The following ZNF48 variants were observed in gnomAD, a reference collection of about 807,000 sequenced individuals.
ZNF48 encodes zinc finger protein 48.
In ZNF48, 20 loss-of-function variants were observed where a neutral mutation model predicts 40.0. That is an observed-to-expected ratio of 0.50 (90% CI 0.35 to 0.73). ZNF48 has a LOEUF of 0.73. Ranked by LOEUF, ZNF48 falls within the 30% of genes least tolerant of loss-of-function variation. ZNF48 has a pLI of 0.01. For missense variants in ZNF48, 726 were observed against 851.9 expected (o/e 0.85, Z 1.84); for synonymous variants, 298 against 329.7 (o/e 0.90, Z 1.04).
rs1057021810 is a variant in ZNF48 at position 30,398,484 on chromosome 16, C to T, written c.1234C>T (p.Leu412=). 3 of 1,587,426 alleles carry T rather than the reference C, an allele frequency of 1.9e-6. No homozygotes were observed. The highest frequency in any genetic ancestry group is 2.7e-5 in the African/African-American group (2 of 74,472). ...PPPPLGTSPP[L]TPRSPSHSGE... is the part of the protein sequence containing the mutation. ...ACCTCCTCTGGGCACCAGCCCCCCG[C>T]TGACACCTCGAAGTCCCTCACACTC... The change falls in exon 3 of 3, where the codon CTG becomes TTG. Residue 412 remains leucine (L), a synonymous_variant. Transcript: ENST00000613509. This position sits in a 1 kb window ranked among gnomAD's most constrained non-coding sequence, Gnocchi z 6.6.
At chr16:30,396,669 T>C (rs190018646) in intron 2 of ZNF48, among the ~76,000 whole-genome samples, 1 of 151,044 alleles carries the variant, frequency 6.6e-6, no homozygotes, top group African/African-American at 2.4e-5. Flanking sequence ...AGACCTTAGT[T>C]AGACATCACG....
intron 1 of ZNF48, among the ~76,000 whole-genome samples, chr16:30,390,378 C>A (rs369695778): frequency 2.8e-4 from 43 of 152,142 alleles, no homozygotes; most frequent in African/African-American, 9.9e-4. Context: ...GTTTGTGGAA[C>A]AAATGAATAA....
In ZNF48 at chr16:30,382,534, G is replaced by A. The variant is rs201701101; in HGVS notation, c.-16+4124G>A. On this transcript the variant is annotated intron_variant, in intron 1 of 2. Transcript: ENST00000528032. This position sits in a 1 kb window ranked among gnomAD's most constrained non-coding sequence, Gnocchi z 4.8. ...GGGTGTAAGGACTCACCATGACTCC[G>A]CCAGCCATCACTGCACCTGCCGTCT... The A allele has an allele frequency of 3.1e-4, 493 of 1,584,444 alleles. 4 individuals carry two copies. The East Asian group carries it at 8.6e-3, about 28-fold the overall frequency.
upstream of ZNF48, among the ~76,000 whole-genome samples, chr16:30,392,554 G>A (rs993020094): frequency 2.6e-5 from 4 of 152,128 alleles, no homozygotes; most frequent in East Asian, 5.8e-4. Context: ...GGACTTTGCC[G>A]AAATCAAACC....
chr16:30,381,300 T>G lies in ZNF48; in HGVS notation c.-16+2890T>G. Reference sequence around the variant, plus strand: ...TCAGGGGGCAGAGACCCCCCAGCCCTCCCTAAATGCGCCAGCCCCCAGGAT... The same window carrying G: ...TCAGGGGGCAGAGACCCCCCAGCCCGCCCTAAATGCGCCAGCCCCCAGGAT... On this transcript the variant is annotated intron_variant, in intron 1 of 2. Coordinates refer to the ZNF48 transcript ENST00000528032. The surrounding 1 kb of genome is among the most constrained non-coding windows in gnomAD (Gnocchi z 4.3). 149 of 1,209,940 alleles carry G rather than the reference T, an allele frequency of 1.2e-4. No individual in the cohort carries two copies. Among genetic ancestry groups the G allele is most frequent in the Non-Finnish European group, 1.5e-4 (132 of 878,276 alleles). 75.0% of individuals were successfully genotyped at this position (1,209,940 alleles called of 1,614,324 possible). A position where few individuals can be genotyped will look rare whatever the true frequency, so the allele number is the denominator to read the frequency against.
At chr16:30,388,588 C>T (rs2151114517) in intron 1 of ZNF48, among the ~76,000 whole-genome samples, 1 of 152,084 alleles carries the variant, frequency 6.6e-6, no homozygotes, top group Middle Eastern at 3.4e-3. Flanking sequence ...GAGACCTTGT[C>T]TCAAAAAAAA....
chr16:30,381,094 A>G lies in ZNF48; in HGVS notation c.-16+2684A>G, dbSNP rs778196822. ...AAGCTGAAATCAGGTTTGGCTTCACATGGGGTCAAAGGTCAGAGGTCATCA... is the reference window on the plus strand; with the variant it reads ...AAGCTGAAATCAGGTTTGGCTTCACGTGGGGTCAAAGGTCAGAGGTCATCA... On this transcript the variant is annotated intron_variant, in intron 1 of 2. Transcript: ENST00000528032. The surrounding 1 kb of genome is among the most constrained non-coding windows in gnomAD (Gnocchi z 4.3). 11 of 1,544,048 alleles carry G rather than the reference A, an allele frequency of 7.1e-6. No individual in the cohort carries two copies. In the African/African-American group the frequency reaches 1.5e-4, roughly 21 times the overall value.
exon 1 of ZNF48, chr16:30,378,321 G>T: frequency 9.5e-7 from 1 of 1,057,758 alleles, no homozygotes; most frequent in Non-Finnish European, 1.3e-6. Context: ...CCTAGCCCGC[G>T]CGAGGGCGGC....
Position 30,382,046 on chromosome 16 carries a change from A to G in ZNF48, c.-16+3636A>G. ...CCCAGATGGAAAAGACTAGGGTGTA[A>G]CCTGGGGACAGGGGCTACTGCCTCA... On this transcript the variant is annotated intron_variant, in intron 1 of 2. Coordinates refer to the ZNF48 transcript ENST00000528032. The surrounding 1 kb of genome is among the most constrained non-coding windows in gnomAD (Gnocchi z 4.8). 1 of 1,586,878 alleles carries G rather than the reference A, an allele frequency of 6.3e-7. No individual in the cohort carries two copies. The highest frequency in any genetic ancestry group is 8.6e-7 in the Non-Finnish European group (1 of 1,164,336).
rs1295434890 is a variant in ZNF48 at position 30,382,800 on chromosome 16, G to A, written c.-16+4390G>A. Reference sequence around the variant, plus strand: ...CACTGTAGCTCCATCATCGTGGTGAGACATGGGGTATGTGCAGAGAGGAAG... The same window carrying A: ...CACTGTAGCTCCATCATCGTGGTGAAACATGGGGTATGTGCAGAGAGGAAG... On this transcript the variant is annotated intron_variant, in intron 1 of 2. Transcript: ENST00000528032. The surrounding 1 kb of genome is among the most constrained non-coding windows in gnomAD (Gnocchi z 4.8). 18 of 1,535,234 alleles carry A rather than the reference G, an allele frequency of 1.2e-5. No homozygotes were observed. The highest frequency in any genetic ancestry group is 1.6e-5 in the Non-Finnish European group (18 of 1,146,352).
upstream of ZNF48, among the ~76,000 whole-genome samples, chr16:30,393,800 C>T (rs1469655236): frequency 6.6e-6 from 1 of 152,046 alleles, no homozygotes; most frequent in Non-Finnish European, 1.5e-5. Flanking sequence ...ACTGCAGCCT[C>T]AACCTCCTGG....
chr16:30,392,214 G>A (rs1167415379), upstream of ZNF48, among the ~76,000 whole-genome samples: 1 of 152,036 alleles, frequency 6.6e-6, no homozygotes, highest in Admixed American at 6.6e-5. Context: ...TAGTAGAGAC[G>A]GGGTTTCACT....
Position 30,381,262 on chromosome 16 carries a change from T to A in ZNF48, c.-16+2852T>A. The A allele has an allele frequency of 6.2e-7, 1 of 1,613,338 alleles. No individual in the cohort carries two copies. The highest frequency in any genetic ancestry group is 8.5e-7 in the Non-Finnish European group (1 of 1,179,502). ...GCCGGAGCCTGCACCCAGGGATTGG[T>A]CATTGCCCAGCCTCAGGGGGCAGAG... On this transcript the variant is annotated intron_variant, in intron 1 of 2. Coordinates refer to the ZNF48 transcript ENST00000528032. This position sits in a 1 kb window ranked among gnomAD's most constrained non-coding sequence, Gnocchi z 4.3.
At chr16:30,378,581 G>A (rs757557744) in intron 1 of ZNF48, 3 of 1,609,852 alleles carry the variant, frequency 1.9e-6, no homozygotes, top group African/African-American at 2.7e-5. Flanking sequence ...CTGGGGCATC[G>A]GTCGGGGGGA....
At chr16:30,379,549 G>T in intron 1 of ZNF48, 10 of 1,602,894 alleles carry the variant, frequency 6.2e-6, no homozygotes, top group Non-Finnish European at 6.0e-6. Context: ...AGGGCAGGGG[G>T]CAGGGGTTCA....
Position 30,398,737 on chromosome 16 carries a change from A to G in ZNF48, c.1487A>G (p.Lys496Arg). The change falls in exon 3 of 3, where the codon AAG (lysine) becomes AGG (arginine). Residue 496 changes from lysine (K) to arginine (R), a missense_variant. Physicochemically the swap from Lys to Arg is conservative, Grantham distance 26 (BLOSUM62 2). This residue lies in a region of ZNF48 where 25 missense variants were observed against 51.5 expected (regional missense o/e 0.49). Transcript: ENST00000613509. The surrounding 1 kb of genome is among the most constrained non-coding windows in gnomAD (Gnocchi z 6.6). Reference protein sequence around the residue: ...KGFADSSARVKHLRTHRGERA... With the variant: ...KGFADSSARVRHLRTHRGERA... ...TTTGCTGACAGCTCAGCCCGAGTCA[A>G]GCACCTCCGCACCCACCGTGGTGAA... The G allele has an allele frequency of 6.2e-7, 1 of 1,613,920 alleles. No individual in the cohort carries two copies. Among genetic ancestry groups the G allele is most frequent in the Non-Finnish European group, 8.5e-7 (1 of 1,180,006 alleles).
chr16:30,379,737 G>A (rs2049816542), intron 1 of ZNF48: 5 of 560,836 alleles, frequency 8.9e-6, no homozygotes, highest in Admixed American at 3.5e-5. Flanking sequence ...CTCCCGAGTA[G>A]CTGGAATTAC....
intron 1 of ZNF48, among the ~76,000 whole-genome samples, chr16:30,389,713 T>G (rs972093241): frequency 1.3e-5 from 2 of 151,542 alleles, no homozygotes; most frequent in African/African-American, 4.8e-5. Context: ...TATTTGGGGC[T>G]TGTTTGCTTT....
chr16:30,388,658 G>A (rs562139176), intron 1 of ZNF48, among the ~76,000 whole-genome samples: 126 of 151,952 alleles, frequency 8.3e-4, no homozygotes, highest in Non-Finnish European at 2.2e-4. Context: ...GGAGATCAAC[G>A]TGGGTGGATC....
Sources: gnomAD v4.1 joint callset for allele counts (sites outside exome capture counted in the v4.1 genomes callset) on GRCh38, gnomAD v4.1.1 for gene constraint, gnomAD v4.1.1 regional missense constraint, Gnocchi (gnomAD v3.1) non-coding constraint, MANE v1.5 for transcripts, NCBI Gene and HGNC (gene_info 2026-07-23, HGNC 2026-07-21) for gene names.